Variants in FNDC3A observed in about 807,000 individuals in gnomAD.
FNDC3A encodes fibronectin type III domain containing 3A.
Under a neutral mutation model 148.9 loss-of-function variants are expected in FNDC3A, and 32 were observed. The ratio of observed to expected loss-of-function variants is 0.21; its 90% confidence interval spans 0.16 to 0.29. FNDC3A has a LOEUF of 0.29. Among genes scored for constraint, FNDC3A ranks in the 10% least tolerant of loss-of-function variants. The pLI is 1.00. For synonymous variants in FNDC3A, 472 were observed against 473.6 expected, an observed-to-expected ratio of 1.00 and a Z score of 0.04; for missense variants, 1,191 against 1,452.8, an observed-to-expected ratio of 0.82 and a Z score of 2.93.
intron 16 of FNDC3A, 194 bp downstream of exon 16, chr13:49,187,384 C>G (rs980119751): frequency 1.5e-5 from 13 of 864,420 alleles, no homozygotes; most frequent in Non-Finnish European, 2.5e-5. Flanking sequence ...ACAAACATAT[C>G]TAGTATGCCA....
intron 1 of FNDC3A, among the ~76,000 whole-genome samples, chr13:48,977,400 C>G (rs1487440869): frequency 6.6e-6 from 1 of 152,220 alleles, no homozygotes; most frequent in Non-Finnish European, 1.5e-5. Context: ...ATACGCCACT[C>G]AGGAGTTTGA....
chr13:49,186,133 A>G (rs771040928), intron 15 of FNDC3A, 31 bp downstream of exon 15: 1 of 1,520,906 alleles, frequency 6.6e-7, no homozygotes, highest in African/African-American at 1.4e-5. Flanking sequence ...ATACATTATT[A>G]CTTTTGCGTT....
chr13:49,042,979 AG>A (rs1259862774), intron 2 of FNDC3A, among the ~76,000 whole-genome samples: 2 of 152,218 alleles, frequency 1.3e-5, no homozygotes, highest in Admixed American at 1.3e-4. Flanking sequence ...TTTGAGAGCC[AG>A]GGTCTCATTC....
chr13:49,085,246 A>G (rs777645365), intron 3 of FNDC3A, among the ~76,000 whole-genome samples: 1 of 152,216 alleles, frequency 6.6e-6, no homozygotes, highest in Admixed American at 6.5e-5. Flanking sequence ...TTTGTTAAAT[A>G]GTTATAAACC....
In FNDC3A at chr13:49,198,389, T is replaced by C; in HGVS notation, c.2802T>C (p.Leu934=). 1 of 1,614,224 alleles carries C rather than the reference T, an allele frequency of 6.2e-7. No individual in the cohort carries two copies. Among genetic ancestry groups the C allele is most frequent in the Non-Finnish European group, 8.5e-7 (1 of 1,180,044 alleles). ...YRIRIQALNS[L]GAGPFSHMIK... ...TACGAATTCAAGCCTTGAATAGCCTTGGAGCTGGTCCTTTCAGCCATATGA... is the reference window on the plus strand; with the variant it reads ...TACGAATTCAAGCCTTGAATAGCCTCGGAGCTGGTCCTTTCAGCCATATGA... The change falls in exon 23 of 26, where the codon CTT becomes CTC. Residue 934 remains leucine (L), a synonymous_variant. Coordinates refer to ENST00000492622, the MANE Select transcript of FNDC3A (RefSeq NM_001079673.2).
intron 2 of FNDC3A, among the ~76,000 whole-genome samples, chr13:49,055,560 C>T (rs1037699064): frequency 2.0e-5 from 3 of 152,114 alleles, no homozygotes; most frequent in African/African-American, 7.2e-5. Flanking sequence ...TGCTACCTGG[C>T]GTCATCTGCA....
At chr13:49,185,889 C>G in intron 14 of FNDC3A, 75 bp from the exon 15 acceptor site, 6 of 1,182,212 alleles carry the variant, frequency 5.1e-6, no homozygotes, top group Non-Finnish European at 6.1e-6. Flanking sequence ...TGTTTGTCTC[C>G]TATCACTTTG....
intron 1 of FNDC3A, among the ~76,000 whole-genome samples, chr13:49,004,149 G>T (rs1048648586): frequency 2.0e-5 from 3 of 152,024 alleles, no homozygotes; most frequent in Non-Finnish European, 4.4e-5. Context: ...AACTAAGAGG[G>T]TATTTGAGGT....
At chr13:49,046,306 TA>T in intron 2 of FNDC3A, 1 of 164,408 alleles carries the variant, frequency 6.1e-6, no homozygotes. Flanking sequence ...TAGGGAAATA[TA>T]AGGCAGCTTG....
intron 19 of FNDC3A, among the ~76,000 whole-genome samples, chr13:49,194,492 G>C (rs1886051959): frequency 6.6e-6 from 1 of 152,182 alleles, no homozygotes; most frequent in Non-Finnish European, 1.5e-5. Context: ...TGGTATTCAT[G>C]TGAGAGTAAA....
chr13:49,062,050 C>A (rs1189775324), intron 2 of FNDC3A, among the ~76,000 whole-genome samples: 2 of 151,778 alleles, frequency 1.3e-5, no homozygotes, highest in Non-Finnish European at 2.9e-5. Context: ...AAAGGATTGC[C>A]AGGGACAAGA....
At chr13:49,103,736 G>A (rs1171483097) in intron 3 of FNDC3A, among the ~76,000 whole-genome samples, 2 of 152,130 alleles carry the variant, frequency 1.3e-5, no homozygotes, top group Admixed American at 6.5e-5. Flanking sequence ...TTGAGATGGG[G>A]GGAAAATAGA....
chr13:49,055,094 T>C (rs1472997427), intron 2 of FNDC3A, among the ~76,000 whole-genome samples: 1 of 152,010 alleles, frequency 6.6e-6, no homozygotes, highest in East Asian at 1.9e-4. Flanking sequence ...GTTGGGAAAT[T>C]TGCTCTTCTT....
chr13:49,118,269 C>G (rs1405330676), intron 4 of FNDC3A, among the ~76,000 whole-genome samples: 1 of 152,176 alleles, frequency 6.6e-6, no homozygotes, highest in East Asian at 1.9e-4. Context: ...AGCTCCCTCC[C>G]CTAGCCAAGG....
At position 49,207,590 on chromosome 13, in the gene FNDC3A, C is replaced by CA; in HGVS notation, c.*197dup. ...ATTAGAATGCAAGCCACAAAAATAT[C>CA]AATTTTGTTTTTTTTGTTAGGGTGG... On this transcript the variant is annotated 3_prime_UTR_variant, in exon 26 of 26. Coordinates refer to ENST00000492622, the MANE Select transcript of FNDC3A (RefSeq NM_001079673.2). The CA allele has an allele frequency of 9.2e-6, 4 of 436,006 alleles. No individual in the cohort carries two copies. The South Asian group carries it at 2.3e-4, about 25-fold the overall frequency. The allele number at this position is 436,006 out of a possible 1,614,324, so 27.0% of individuals were successfully genotyped here. A position where few individuals can be genotyped will look rare whatever the true frequency, so the allele number is the denominator to read the frequency against.
intron 2 of FNDC3A, among the ~76,000 whole-genome samples, chr13:49,030,046 T>G (rs138765962): frequency 1.6e-3 from 248 of 151,764 alleles, no homozygotes; most frequent in African/African-American, 5.6e-3. Flanking sequence ...AAGGGAGAAT[T>G]AACACCAAAT....
chr13:49,057,016 G>A (rs1876300264), intron 2 of FNDC3A, among the ~76,000 whole-genome samples: 1 of 152,050 alleles, frequency 6.6e-6, no homozygotes, highest in African/African-American at 2.4e-5. Flanking sequence ...TTTTGTCTGG[G>A]AATTCTCAAT....
intron 1 of FNDC3A, among the ~76,000 whole-genome samples, chr13:48,999,802 C>T (rs117663926): frequency 4.7e-4 from 71 of 152,264 alleles, no homozygotes; most frequent in Middle Eastern, 3.4e-3. Flanking sequence ...AGACACAGAG[C>T]ATCCTCTCTC....
At chr13:49,059,463 T>C (rs1180310258) in intron 2 of FNDC3A, among the ~76,000 whole-genome samples, 1 of 152,182 alleles carries the variant, frequency 6.6e-6, no homozygotes, top group African/African-American at 2.4e-5. Context: ...TTTTGTTGTT[T>C]GTTTGTTTTG....
Sources: gnomAD v4.1 joint callset for allele counts (sites outside exome capture counted in the v4.1 genomes callset) on GRCh38, gnomAD v4.1.1 for gene constraint, MANE v1.5 for transcripts, NCBI Gene and HGNC (gene_info 2026-07-23, HGNC 2026-07-21) for gene names.